The following SPAG16 variants were observed in gnomAD, a reference collection of about 807,000 sequenced individuals.
SPAG16 encodes the protein sperm associated antigen 16, also known as sperm-associated antigen 16 protein.
A neutral mutation model predicts 80.4 loss-of-function variants in SPAG16; 86 were observed. The ratio of observed to expected loss-of-function variants is 1.07; its 90% confidence interval spans 0.90 to 1.28. The LOEUF is 1.28. Among genes scored for constraint, SPAG16 ranks in the 50% most tolerant of loss-of-function variants. The pLI, the probability that SPAG16 is intolerant of heterozygous loss-of-function variation, is 0.00. For synonymous variants in SPAG16, 294 were observed against 265.9 expected (o/e 1.11, Z -1.03); for missense variants, 870 against 765.3 (o/e 1.14, Z -1.61).
chr2:213,738,365 G>T (rs1177346144), intron 10 of SPAG16, among the ~76,000 whole-genome samples: 1 of 152,274 alleles, frequency 6.6e-6, no homozygotes, highest in East Asian at 1.9e-4. Context: ...GGAGATTAAT[G>T]ACCAGTTATT....
chr2:214,020,671 C>G (rs1457636445), intron 13 of SPAG16, among the ~76,000 whole-genome samples: 1 of 152,152 alleles, frequency 6.6e-6, no homozygotes. Context: ...GTATGATGAT[C>G]TGTACTTACC....
chr2:213,332,974 A>G (rs765569396), intron 5 of SPAG16, among the ~76,000 whole-genome samples: 37 of 152,134 alleles, frequency 2.4e-4, no homozygotes, highest in Admixed American at 3.9e-4. Context: ...AAGGATGCCC[A>G]TTGTCACCAC....
At chr2:214,059,196 A>ATATATATATATATGTATGTG (rs2125167824) in intron 13 of SPAG16, among the ~76,000 whole-genome samples, 2 of 30,306 alleles carry the variant, frequency 6.6e-5, no homozygotes, top group African/African-American at 2.1e-4. Flanking sequence ...CTATATATAT[A>ATATATATATATATGTATGTG]TATATATATA....
intron 11 of SPAG16, among the ~76,000 whole-genome samples, chr2:213,874,792 G>C (rs529470741): frequency 6.6e-6 from 1 of 152,228 alleles, no homozygotes; most frequent in Admixed American, 6.6e-5. Context: ...GGGAGGGATT[G>C]TGGGGACTAT....
chr2:213,836,813 C>T (rs897241260), intron 10 of SPAG16, among the ~76,000 whole-genome samples: 1 of 151,984 alleles, frequency 6.6e-6, no homozygotes, highest in African/African-American at 2.4e-5. Context: ...GGGGTTTTGC[C>T]ATGTTGGCCA....
intron 9 of SPAG16, among the ~76,000 whole-genome samples, chr2:213,390,793 A>G (rs2067703671): frequency 6.6e-6 from 1 of 152,170 alleles, no homozygotes; most frequent in East Asian, 1.9e-4. Context: ...TTATTTTTTA[A>G]TCATTTAATT....
chr2:213,414,473 A>C (rs1220026375), intron 9 of SPAG16, among the ~76,000 whole-genome samples: 1 of 152,178 alleles, frequency 6.6e-6, no homozygotes, highest in Admixed American at 6.5e-5. Flanking sequence ...GCTTGAATCT[A>C]GATTTCAATT....
intron 10 of SPAG16, among the ~76,000 whole-genome samples, chr2:213,854,469 A>T (rs1409947918): frequency 6.6e-6 from 1 of 152,238 alleles, no homozygotes. Context: ...CAAATAAAAA[A>T]GCTGGGCTGT....
chr2:213,738,190 A>AC (rs1376620336), intron 10 of SPAG16, among the ~76,000 whole-genome samples: 46 of 152,204 alleles, frequency 3.0e-4, no homozygotes, highest in Admixed American at 2.9e-3. Context: ...TTGTAGAGCC[A>AC]GTATAGTTAA....
At chr2:214,273,728 G>A (rs1359078759) in intron 15 of SPAG16, among the ~76,000 whole-genome samples, 1 of 102,016 alleles carries the variant, frequency 9.8e-6, no homozygotes, top group African/African-American at 3.1e-5. Context: ...GTCAGGTAGT[G>A]TGATACTTCC....
chr2:214,067,599 G>T (rs979320553), intron 13 of SPAG16, among the ~76,000 whole-genome samples: 1 of 150,982 alleles, frequency 6.6e-6, no homozygotes, highest in African/African-American at 2.4e-5. Context: ...ATAAGAAAAG[G>T]ATTTTTAGGC....
chr2:213,745,495 G>A (rs2067777426), intron 10 of SPAG16, among the ~76,000 whole-genome samples: 1 of 152,052 alleles, frequency 6.6e-6, no homozygotes, highest in African/African-American at 2.4e-5. Flanking sequence ...CACTCACCTC[G>A]ACCTCCCAAA....
At chr2:213,338,562 T>G (rs1424907405) in intron 5 of SPAG16, among the ~76,000 whole-genome samples, 2 of 152,204 alleles carry the variant, frequency 1.3e-5, no homozygotes, top group African/African-American at 4.8e-5. Flanking sequence ...CACATGCATG[T>G]GTATGTTCAT....
In SPAG16 at chr2:214,108,235, A is replaced by G. The variant is rs1576227665; in HGVS notation, c.1567A>G (p.Ile523Val). Residue 523 changes from isoleucine to valine, a missense_variant, in exon 14 of 16, where the codon ATC (isoleucine) becomes GTC (valine). By Grantham distance (29) the Ile-to-Val change is conservative (BLOSUM62 3). Transcript: ENST00000331683. ...EQSLYGHMHS[I>V]NDAIFDPRGH... The stretch of plus-strand genomic sequence containing the variant: ...GTCACTTTATGGTCACATGCATTCT[A>G]TCAATGATGCCATTTTTGATCCCAG... 14 of 1,602,182 alleles carry G rather than the reference A, an allele frequency of 8.7e-6. No individual in the cohort carries two copies. In the East Asian group the frequency reaches 2.7e-4, roughly 31 times the overall value.
intron 15 of SPAG16, among the ~76,000 whole-genome samples, chr2:214,349,223 A>G (rs931619248): frequency 6.6e-6 from 1 of 152,210 alleles, no homozygotes; most frequent in African/African-American, 2.4e-5. Flanking sequence ...TTCCTGACAA[A>G]AAGAACAAAT....
chr2:213,827,645 G>A (rs962465816), intron 10 of SPAG16, among the ~76,000 whole-genome samples: 14 of 151,748 alleles, frequency 9.2e-5, no homozygotes, highest in Non-Finnish European at 7.4e-5. Flanking sequence ...ATTTCTTATT[G>A]CTCATTAACA....
At chr2:214,333,932 C>T (rs1559220900) in intron 15 of SPAG16, among the ~76,000 whole-genome samples, 1 of 152,216 alleles carries the variant, frequency 6.6e-6, no homozygotes, top group African/African-American at 2.4e-5. Flanking sequence ...TTGCTTTTTA[C>T]TCAGTCTTCC....
intron 14 of SPAG16, among the ~76,000 whole-genome samples, chr2:214,118,323 G>C (rs2054044457): frequency 6.6e-6 from 1 of 152,088 alleles, no homozygotes; most frequent in Admixed American, 6.6e-5. Flanking sequence ...ATGATGACAG[G>C]AAATAGAAGA....
At chr2:213,723,893 A>G (rs1324208513) in intron 10 of SPAG16, among the ~76,000 whole-genome samples, 2 of 152,160 alleles carry the variant, frequency 1.3e-5, no homozygotes, top group African/African-American at 4.8e-5. Context: ...CCTTTAGTTT[A>G]TTTACCAGGA....
Sources: gnomAD v4.1 joint callset for allele counts (sites outside exome capture counted in the v4.1 genomes callset) on GRCh38, gnomAD v4.1.1 for gene constraint, MANE v1.5 for transcripts, NCBI Gene and HGNC (gene_info 2026-07-23, HGNC 2026-07-21) for gene names.